CDH10: variants seen among roughly 807,000 people sequenced by gnomAD.
CDH10 encodes the protein cadherin-10.
CDH10 carries 30 observed loss-of-function variants against 73.1 expected under a neutral mutation model. That is an observed-to-expected ratio of 0.41 (90% CI 0.31 to 0.56). The LOEUF is 0.56. Among genes scored for constraint, CDH10 ranks in the 20% least tolerant of loss-of-function variants. The pLI is 0.27. For synonymous variants in CDH10, 345 were observed against 348.2 expected (o/e 0.99, Z 0.10); for missense variants, 815 against 973.7 (o/e 0.84, Z 2.17).
chr5:24,568,595 A>G (rs1177406862), intron 2 of CDH10, among the ~76,000 whole-genome samples: 1 of 152,166 alleles, frequency 6.6e-6, no homozygotes, highest in East Asian at 1.9e-4. Context: ...GATACTTCAC[A>G]TAGGTAATTC....
chr5:24,525,736 C>T (rs1430101033), intron 5 of CDH10, among the ~76,000 whole-genome samples: 6 of 152,098 alleles, frequency 3.9e-5, no homozygotes, highest in Middle Eastern at 3.4e-3. Flanking sequence ...ACTGGAGATA[C>T]GATCATCAAC....
At chr5:24,517,389 C>T (rs1397310132) in intron 5 of CDH10, among the ~76,000 whole-genome samples, 1 of 152,032 alleles carries the variant, frequency 6.6e-6, no homozygotes, top group African/African-American at 2.4e-5. Context: ...GTTTCTAAGT[C>T]TGAAGAATTG....
intron 1 of CDH10, chr5:24,613,349 C>T (rs1264126838): frequency 6.6e-6 from 1 of 152,016 alleles, no homozygotes; most frequent in Non-Finnish European, 1.5e-5. Context: ...CACGTGGTTA[C>T]ATAAGACTCA....
At chr5:24,623,390 C>G (rs1392885729) in intron 1 of CDH10, among the ~76,000 whole-genome samples, 1 of 152,098 alleles carries the variant, frequency 6.6e-6, no homozygotes, top group Non-Finnish European at 1.5e-5. Flanking sequence ...AAATGTACAG[C>G]GCCAGGCCAA....
chr5:24,490,888 A>G (rs1033856504), intron 11 of CDH10, among the ~76,000 whole-genome samples: 1 of 152,210 alleles, frequency 6.6e-6, no homozygotes, highest in Non-Finnish European at 1.5e-5. Context: ...TTGTTATTCT[A>G]ACAAATGTTA....
intron 2 of CDH10, among the ~76,000 whole-genome samples, chr5:24,560,121 T>TA (rs1189712039): frequency 6.6e-6 from 1 of 152,152 alleles, no homozygotes; most frequent in Admixed American, 6.6e-5. Context: ...ATGCTCAACT[T>TA]AAAGTGAGAT....
At chr5:24,522,944 C>T (rs74909355) in intron 5 of CDH10, among the ~76,000 whole-genome samples, 2 of 152,036 alleles carry the variant, frequency 1.3e-5, no homozygotes, top group Non-Finnish European at 2.9e-5. Context: ...ACATTTAGTG[C>T]TGTAGTGAGA....
At position 24,487,465 on chromosome 5, in the gene CDH10, T is replaced by C; in HGVS notation, c.*198A>G. ...CCATAGCTTTGGCTCTTGGAAGTGA[T>C]TAAATAAAATGTCATATATATTCCA... On this transcript the variant is annotated 3_prime_UTR_variant, in exon 12 of 12. Coordinates refer to ENST00000264463, the MANE Select transcript of CDH10 (RefSeq NM_006727.5). 3.8e-6 allele frequency: 2 copies of C among 532,882 alleles called. No homozygotes were observed. The highest frequency in any genetic ancestry group is 5.3e-5 in the South Asian group (2 of 37,518). 33.0% of individuals were successfully genotyped at this position (532,882 alleles called of 1,614,324 possible).
chr5:24,580,086 A>G (rs1295127212), intron 2 of CDH10, among the ~76,000 whole-genome samples: 1 of 152,236 alleles, frequency 6.6e-6, no homozygotes, highest in East Asian at 1.9e-4. Flanking sequence ...TCCATATATA[A>G]TACTTGAGAA....
intron 2 of CDH10, among the ~76,000 whole-genome samples, chr5:24,573,050 T>C (rs989280626): frequency 4.0e-5 from 6 of 151,566 alleles, no homozygotes; most frequent in African/African-American, 7.3e-5. Flanking sequence ...TAAATTGATT[T>C]CCAAAAGTAA....
chr5:24,602,985 C>T (rs1746620747), intron 1 of CDH10, among the ~76,000 whole-genome samples: 3 of 152,140 alleles, frequency 2.0e-5, no homozygotes, highest in Admixed American at 2.0e-4. Context: ...TCAAGACAAT[C>T]TATTGATCAT....
chr5:24,498,435 T>C lies in CDH10; in HGVS notation c.1478A>G (p.Tyr493Cys). Residue 493 changes from tyrosine to cysteine, a missense_variant, in exon 9 of 12, where the codon TAT (tyrosine) becomes TGT (cysteine). By Grantham distance (194) the Tyr-to-Cys change is radical (BLOSUM62 -2). Around this residue, in one of 3 missense-constraint regions of CDH10, gnomAD observed 516 missense variants for 636.6 expected, o/e 0.81. Transcript: ENST00000264463. ...GGCATTTTCACATACAAAAGTGTCA[T>C]AGAACACAGCAAACTGTGGGGCATT... Reference protein sequence around the residue: ...NDNAPQFAVFYDTFVCENARP... With the variant: ...NDNAPQFAVFCDTFVCENARP... 1.2e-6 allele frequency: 2 copies of C among 1,605,716 alleles called. No homozygotes were observed. The highest frequency in any genetic ancestry group is 1.7e-6 in the Non-Finnish European group (2 of 1,172,550).
intron 1 of CDH10, among the ~76,000 whole-genome samples, chr5:24,601,283 T>A (rs1387681491): frequency 6.6e-6 from 1 of 152,104 alleles, no homozygotes; most frequent in Non-Finnish European, 1.5e-5. Flanking sequence ...ATATGACAGA[T>A]AAGGAAACAG....
At chr5:24,611,809 TG>T (rs1423392282) in intron 1 of CDH10, 2 of 152,118 alleles carry the variant, frequency 1.3e-5, no homozygotes, top group Non-Finnish European at 2.9e-5. Flanking sequence ...GACTCTCTAT[TG>T]CCTTCTCAGC....
chr5:24,569,820 T>G (rs908207612), intron 2 of CDH10, among the ~76,000 whole-genome samples: 1 of 151,978 alleles, frequency 6.6e-6, no homozygotes, highest in Non-Finnish European at 1.5e-5. Context: ...TGGAGTGCAG[T>G]GGCGTGATCT....
chr5:24,490,769 T>G (rs1157711608), intron 11 of CDH10, among the ~76,000 whole-genome samples: 1 of 152,168 alleles, frequency 6.6e-6, no homozygotes, highest in African/African-American at 2.4e-5. Context: ...TTTTAAAATT[T>G]AAGACTAATG....
At chr5:24,592,561 AG>A (rs1292942101) in intron 2 of CDH10, among the ~76,000 whole-genome samples, 1 of 151,916 alleles carries the variant, frequency 6.6e-6, no homozygotes, top group Non-Finnish European at 1.5e-5. Context: ...AGCATTCATT[AG>A]TACTTTTATG....
chr5:24,636,026 T>A (rs550095317), intron 1 of CDH10, among the ~76,000 whole-genome samples: 1 of 151,406 alleles, frequency 6.6e-6, no homozygotes, highest in Non-Finnish European at 1.5e-5. Context: ...CTAATGATAT[T>A]AAGTGCTGTG....
chr5:24,573,798 ATAT>A (rs1745490338), intron 2 of CDH10, among the ~76,000 whole-genome samples: 1 of 148,360 alleles, frequency 6.7e-6, no homozygotes, highest in African/African-American at 2.5e-5. Context: ...ATATATTCAT[ATAT>A]TTACTTAATT....
Sources: gnomAD v4.1 joint callset for allele counts (sites outside exome capture counted in the v4.1 genomes callset) on GRCh38, gnomAD v4.1.1 for gene constraint, gnomAD v4.1.1 regional missense constraint, MANE v1.5 for transcripts, NCBI Gene and HGNC (gene_info 2026-07-23, HGNC 2026-07-21) for gene names.